The following AR variants were observed in gnomAD, a reference collection of about 807,000 sequenced individuals.
AR encodes dihydrotestosterone receptor.
Under a neutral mutation model 53.9 loss-of-function variants are expected in AR, and 8 were observed. The ratio of observed to expected loss-of-function variants is 0.15; its 90% confidence interval spans 0.09 to 0.27. The LOEUF (loss-of-function observed/expected upper bound fraction) is 0.27, where lower values mean the gene tolerates loss of function less well. Ranked by LOEUF, AR falls within the 10% of genes least tolerant of loss-of-function variation. The probability of loss-of-function intolerance (pLI) is 1.00; values close to 1 mark genes in which losing one functional copy is unlikely to be tolerated. For missense variants in AR, 639 were observed against 742.5 expected (o/e 0.86, Z 1.62); for synonymous variants, 359 against 316.4 (o/e 1.13, Z -1.43).
intron 2 of AR, among the ~76,000 whole-genome samples, chrX:67,667,556 T>C (rs1428645159): frequency 9.0e-6 from 1 of 111,537 alleles, no homozygotes; most frequent in Non-Finnish European, 1.9e-5. Context: ...TCTCTTGTGG[T>C]TCTATATAAA....
intron 1 of AR, among the ~76,000 whole-genome samples, chrX:67,604,653 C>A (rs1199601349): frequency 1.8e-5 from 2 of 111,256 alleles, no homozygotes; most frequent in South Asian, 7.7e-4. Flanking sequence ...AATGTGGATT[C>A]TTTGGCCCCT....
At chrX:67,694,382 G>A (rs2076009865) in intron 3 of AR, among the ~76,000 whole-genome samples, 1 of 109,112 alleles carries the variant, frequency 9.2e-6, no homozygotes, top group Admixed American at 1.0e-4. Flanking sequence ...ACTATGTTCA[G>A]AGAGATGCAC....
intron 1 of AR, among the ~76,000 whole-genome samples, chrX:67,561,980 G>A (rs907709522): frequency 2.0e-4 from 16 of 80,605 alleles, no homozygotes; most frequent in Admixed American, 1.7e-3. Context: ...CACTCTTGTC[G>A]CCCAGGCTGG....
intron 1 of AR, among the ~76,000 whole-genome samples, chrX:67,614,590 T>C (rs1448793688): frequency 9.1e-6 from 1 of 110,290 alleles, no homozygotes; most frequent in Admixed American, 9.7e-5. Flanking sequence ...CAAGAATGAG[T>C]CTCAGAAAGG....
At position 67,727,936 on chromosome X, in the gene AR, AC is replaced by A; in HGVS notation, c.*4099del. On this transcript the variant is annotated 3_prime_UTR_variant, in exon 8 of 8. Transcript: ENST00000374690. ...CAGTTTCTTGGAAAAGGAAGTTTCT[AC>A]CCCTGATGCCTTTGTAGGCAGATCT... 1 of 174,865 alleles carries A rather than the reference AC, an allele frequency of 5.7e-6. No individual in the cohort carries two copies. 14.4% of individuals were successfully genotyped at this position (174,865 alleles called of 1,213,427 possible).
chrX:67,707,019 G>T (rs1386130900), intron 3 of AR, among the ~76,000 whole-genome samples: 1 of 111,964 alleles, frequency 8.9e-6, no homozygotes, highest in African/African-American at 3.2e-5. Context: ...GAGACAGTTT[G>T]TTATAATTTC....
intron 1 of AR, among the ~76,000 whole-genome samples, chrX:67,571,062 G>A (rs1921791846): frequency 9.0e-6 from 1 of 110,733 alleles, no homozygotes; most frequent in Non-Finnish European, 1.9e-5. Context: ...GGCAGTAAGG[G>A]GAGGGGTAGG....
chrX:67,708,271 A>G (rs1246459314), intron 3 of AR, among the ~76,000 whole-genome samples: 3 of 111,839 alleles, frequency 2.7e-5, no homozygotes, highest in Non-Finnish European at 5.6e-5. Flanking sequence ...TGTCACTTTC[A>G]GGTACACCAA....
chrX:67,687,807 T>G (rs2075975174), intron 3 of AR, among the ~76,000 whole-genome samples: 1 of 112,216 alleles, frequency 8.9e-6, no homozygotes, highest in Non-Finnish European at 1.9e-5. Context: ...AAGTCCACTT[T>G]GATGCAGGTA....
intron 3 of AR, chrX:67,689,579 A>G: frequency 1.0e-6 from 1 of 965,744 alleles, no homozygotes; most frequent in Non-Finnish European, 1.3e-6. Context: ...TTCTGAAAGA[A>G]TCTTGAGGGT....
intron 1 of AR, among the ~76,000 whole-genome samples, chrX:67,616,005 G>A (rs1477463771): frequency 9.0e-6 from 1 of 110,935 alleles, no homozygotes; most frequent in Non-Finnish European, 1.9e-5. Flanking sequence ...ATTATACAAG[G>A]AGAGGGAATG....
intron 1 of AR, among the ~76,000 whole-genome samples, chrX:67,587,814 G>T (rs1922626411): frequency 9.1e-6 from 1 of 109,851 alleles, no homozygotes; most frequent in African/African-American, 3.3e-5. Context: ...CCTGATTTTT[G>T]TGAGAATGAA....
At chrX:67,640,847 G>A (rs760172814) in intron 1 of AR, among the ~76,000 whole-genome samples, 7 of 111,000 alleles carry the variant, frequency 6.3e-5, no homozygotes, top group Non-Finnish European at 9.4e-5. Context: ...ACATACATTT[G>A]TGTCTTTCAA....
chrX:67,685,843 T>C lies in AR; in HGVS notation c.1769-167T>C, dbSNP rs1454371134. The C allele has an allele frequency of 4.1e-6, 3 of 734,571 alleles. No individual in the cohort carries two copies. In the African/African-American group the frequency reaches 6.5e-5, roughly 16 times the overall value. The allele number at this position is 734,571 out of a possible 1,213,427, so 60.5% of individuals were successfully genotyped here. On this transcript the variant is annotated intron_variant, in intron 2 of 7. Coordinates refer to ENST00000374690, the MANE Select transcript of AR (RefSeq NM_000044.6). Reference sequence around the variant, plus strand: ...ACAATATAGTGCCAAATTAAACTGTTTGAATATTTAGGTTCTGTATGATCA... The same window carrying C: ...ACAATATAGTGCCAAATTAAACTGTCTGAATATTTAGGTTCTGTATGATCA...
At chrX:67,629,021 C>A (rs2147409674) in intron 1 of AR, among the ~76,000 whole-genome samples, 1 of 111,624 alleles carries the variant, frequency 9.0e-6, no homozygotes, top group African/African-American at 3.3e-5. Flanking sequence ...TTTTGATGTG[C>A]TGCTGGATTC....
rs1315232444 is a variant in AR at position 67,721,854 on chromosome X, G to T, written c.2340G>T (p.Arg780=). ...VFNEYRMHKS[R]MYSQCVRMRH... ...CCAGGTACCGCATGCACAAGTCCCG[G>T]ATGTACAGCCAGTGTGTCCGAATGA... is the stretch of plus-strand genomic sequence containing the variant. Residue 780 remains arginine, a synonymous_variant, in exon 6 of 8, where the codon CGG becomes CGT. Coordinates refer to ENST00000374690, the MANE Select transcript of AR (RefSeq NM_000044.6). The T allele has an allele frequency of 1.7e-6, 2 of 1,210,717 alleles. No individual in the cohort carries two copies. The highest frequency in any genetic ancestry group is 4.4e-5 in the Admixed American group (2 of 45,915).
intron 3 of AR, chrX:67,695,415 G>T: frequency 4.0e-6 from 3 of 753,687 alleles, no homozygotes; most frequent in Non-Finnish European, 4.7e-6. Context: ...AGAGACTACA[G>T]TCCGACTTTC....
At chrX:67,634,090 C>G (rs1925307947) in intron 1 of AR, among the ~76,000 whole-genome samples, 2 of 111,344 alleles carry the variant, frequency 1.8e-5, no homozygotes, top group Non-Finnish European at 3.8e-5. Context: ...CAAGCTATAA[C>G]AGAAATATTA....
intron 4 of AR, among the ~76,000 whole-genome samples, chrX:67,715,346 T>C (rs1180898776): frequency 9.0e-6 from 1 of 111,241 alleles, no homozygotes; most frequent in East Asian, 2.8e-4. Flanking sequence ...CTCCAGCCGG[T>C]CTGTCAGCGT....
Sources: allele counts gnomAD v4.1 joint callset (sites outside exome capture counted in the v4.1 genomes callset), GRCh38; gene constraint gnomAD v4.1.1; transcripts MANE v1.5; gene names NCBI Gene and HGNC (gene_info 2026-07-23, HGNC 2026-07-21).